SORCS2: variants seen among roughly 807,000 people sequenced by gnomAD.
SORCS2 encodes sortilin related VPS10 domain containing receptor 2, also known as VPS10 domain-containing receptor SorCS2.
In SORCS2, 100 loss-of-function variants were observed where a neutral mutation model predicts 141.6. That is an observed-to-expected ratio of 0.71 (90% CI 0.60 to 0.83). The LOEUF is 0.83. Ranked by LOEUF, SORCS2 falls within the 40% of genes least tolerant of loss-of-function variation. SORCS2 has a pLI of 0.00. For missense variants in SORCS2, 1,646 were observed against 1,560.2 expected (o/e 1.05, Z -0.93); for synonymous variants, 789 against 676.9 (o/e 1.17, Z -2.57).
chr4:7,274,541 T>C, intron 1 of SORCS2, among the ~76,000 whole-genome samples: 1 of 150,466 alleles, frequency 6.6e-6, no homozygotes, highest in East Asian at 2.0e-4. Context: ...AGAGGAGGAG[T>C]GGAGAGTGGT....
intron 14 of SORCS2, among the ~76,000 whole-genome samples, chr4:7,708,024 A>T (rs1314749875): frequency 6.6e-6 from 1 of 152,178 alleles, no homozygotes; most frequent in Non-Finnish European, 1.5e-5. Context: ...GAAACTGGGA[A>T]ATGAGTCGGC....
At chr4:7,304,429 CAGG>C (rs1717646163) in intron 1 of SORCS2, among the ~76,000 whole-genome samples, 1 of 152,170 alleles carries the variant, frequency 6.6e-6, no homozygotes, top group East Asian at 1.9e-4. Flanking sequence ...ATCTCTTTTG[CAGG>C]AGAACTGATG....
At chr4:7,696,948 T>A (rs907632465) in intron 11 of SORCS2, among the ~76,000 whole-genome samples, 1 of 152,182 alleles carries the variant, frequency 6.6e-6, no homozygotes, top group East Asian at 1.9e-4. Flanking sequence ...TTCTCTGAGG[T>A]ACCTGAGCTC....
chr4:7,729,969 A>G (rs1711547063), intron 23 of SORCS2, among the ~76,000 whole-genome samples: 1 of 151,864 alleles, frequency 6.6e-6, no homozygotes, highest in Non-Finnish European at 1.5e-5. Context: ...GGGCTCGCTC[A>G]TTTCTTCTCC....
intron 1 of SORCS2, among the ~76,000 whole-genome samples, chr4:7,242,183 C>A (rs770077131): frequency 5.3e-5 from 8 of 152,104 alleles, no homozygotes; most frequent in African/African-American, 1.7e-4. Context: ...TCCCTCGGAG[C>A]CTTTCAGAGC....
At chr4:7,246,167 C>A (rs751309114) in intron 1 of SORCS2, among the ~76,000 whole-genome samples, 8 of 152,234 alleles carry the variant, frequency 5.3e-5, no homozygotes, top group Admixed American at 2.0e-4. Flanking sequence ...CACAGCCGTG[C>A]AGAAAATGCA....
At chr4:7,434,069 C>G in intron 2 of SORCS2, 2 of 1,611,104 alleles carry the variant, frequency 1.2e-6, no homozygotes, top group African/African-American at 2.7e-5. Flanking sequence ...GAGGGGACCC[C>G]GTCCATGGCC....
Position 7,501,453 on chromosome 4 carries a change from A to AG in SORCS2, c.549-30072dup, listed in dbSNP as rs538365828. On this transcript the variant is annotated intron_variant, in intron 2 of 26. Transcript: ENST00000507866. ...GTAGGACACGGTGCCATGAGCTCCC[A>AG]GGGGGCAGGATTTACGTGTTTTGAT... is the stretch of plus-strand genomic sequence containing the variant. Among the ~76,000 whole-genome samples the AG allele has an allele frequency of 2.7e-3, 415 of 152,280 alleles. 5 individuals carry two copies. Among genetic ancestry groups the AG allele is most frequent in the African/African-American group, 8.9e-3 (368 of 41,550 alleles).
At chr4:7,392,308 G>A (rs531888122) in intron 1 of SORCS2, among the ~76,000 whole-genome samples, 3 of 151,660 alleles carry the variant, frequency 2.0e-5, no homozygotes, top group South Asian at 2.1e-4. Flanking sequence ...CCCACCCTTA[G>A]GTGTCAGGAG....
chr4:7,282,497 T>G (rs1184294376), intron 1 of SORCS2, among the ~76,000 whole-genome samples: 2 of 152,234 alleles, frequency 1.3e-5, no homozygotes, highest in Non-Finnish European at 2.9e-5. Flanking sequence ...TTGTGCCATA[T>G]GCTGTTCTGA....
At chr4:7,680,368 C>T (rs1306212800) in intron 9 of SORCS2, among the ~76,000 whole-genome samples, 2 of 152,224 alleles carry the variant, frequency 1.3e-5, no homozygotes, top group Admixed American at 6.5e-5. Flanking sequence ...GGGGAGAACT[C>T]GAGACCCCTG....
chr4:7,450,234 G>A (rs572041259), intron 2 of SORCS2, among the ~76,000 whole-genome samples: 15 of 152,216 alleles, frequency 9.9e-5, no homozygotes, highest in Non-Finnish European at 2.1e-4. Flanking sequence ...TGACTCATGA[G>A]CTCTGCCTGG....
intron 3 of SORCS2, among the ~76,000 whole-genome samples, chr4:7,633,298 TG>T (rs1720017152): frequency 6.6e-6 from 1 of 151,878 alleles, no homozygotes; most frequent in Non-Finnish European, 1.5e-5. Flanking sequence ...GCCTGAGGGG[TG>T]GGAGGTGAAG....
chr4:7,673,857 C>T (rs1722937326), intron 8 of SORCS2, among the ~76,000 whole-genome samples: 1 of 152,202 alleles, frequency 6.6e-6, no homozygotes, highest in African/African-American at 2.4e-5. Context: ...CCCCCACCAC[C>T]CCTGCAGGAG....
intron 4 of SORCS2, among the ~76,000 whole-genome samples, chr4:7,652,238 G>A (rs1690951525): frequency 1.3e-5 from 2 of 152,184 alleles, no homozygotes; most frequent in Admixed American, 1.3e-4. Context: ...CATGAAGGAG[G>A]GGGAGGCCCT....
intron 18 of SORCS2, among the ~76,000 whole-genome samples, chr4:7,722,296 C>T (rs1726646017): frequency 6.6e-6 from 1 of 152,210 alleles, no homozygotes; most frequent in Non-Finnish European, 1.5e-5. Flanking sequence ...CCCGCCCCTC[C>T]CTGAGAGGCT....
intron 1 of SORCS2, among the ~76,000 whole-genome samples, chr4:7,342,802 T>C (rs967897181): frequency 6.6e-6 from 1 of 152,134 alleles, no homozygotes; most frequent in Admixed American, 6.5e-5. Context: ...ATTATAACGG[T>C]TGTTAACCCG....
chr4:7,700,476 T>A (rs375033932), intron 12 of SORCS2, among the ~76,000 whole-genome samples: 94 of 152,272 alleles, frequency 6.2e-4, no homozygotes, highest in African/African-American at 2.2e-3. Flanking sequence ...CCCAGACCAA[T>A]GGGTCTGTCG....
chr4:7,719,603 A>C (rs577751213), intron 18 of SORCS2, among the ~76,000 whole-genome samples: 2 of 152,314 alleles, frequency 1.3e-5, no homozygotes, highest in South Asian at 4.1e-4. Flanking sequence ...AGCCAGGGGC[A>C]GCCCTGGGGC....
Sources: gnomAD v4.1 joint callset for allele counts (sites outside exome capture counted in the v4.1 genomes callset) on GRCh38, gnomAD v4.1.1 for gene constraint, MANE v1.5 for transcripts, NCBI Gene and HGNC (gene_info 2026-07-23, HGNC 2026-07-21) for gene names.